DAB2IP: variants seen among roughly 807,000 people sequenced by gnomAD.
DAB2IP encodes DAB2 interacting protein, also known as disabled homolog 2-interacting protein.
In DAB2IP, 28 loss-of-function variants were observed where a neutral mutation model predicts 107.2. The observed-to-expected ratio is 0.26, with a 90% CI of 0.19 to 0.36. DAB2IP has a LOEUF of 0.36. Ranked by LOEUF, DAB2IP falls within the 10% of genes least tolerant of loss-of-function variation. The pLI, the probability that DAB2IP is intolerant of heterozygous loss-of-function variation, is 1.00. For missense variants in DAB2IP, 1,400 were observed against 1,644.7 expected, an observed-to-expected ratio of 0.85 and a Z score of 2.57; for synonymous variants, 755 against 706.4, an observed-to-expected ratio of 1.07 and a Z score of -1.09.
intron 3 of DAB2IP, among the ~76,000 whole-genome samples, chr9:121,715,170 T>A (rs1210973813): frequency 6.6e-6 from 1 of 152,054 alleles, no homozygotes; most frequent in Non-Finnish European, 1.5e-5. Flanking sequence ...TTAAGGACCT[T>A]GCTCCTGCAG....
chr9:121,753,780 TG>T (rs1177693519), intron 3 of DAB2IP, among the ~76,000 whole-genome samples: 13 of 152,112 alleles, frequency 8.5e-5, no homozygotes, highest in Admixed American at 5.9e-4. Flanking sequence ...GGGAGTGGAA[TG>T]GGAGTGAGGT....
chr9:121,707,927 G>A (rs1228234223), intron 3 of DAB2IP, among the ~76,000 whole-genome samples: 1 of 151,942 alleles, frequency 6.6e-6, no homozygotes, highest in Non-Finnish European at 1.5e-5. Context: ...ACCACATTTC[G>A]TCAGGAAACT....
At chr9:121,742,758 C>T (rs999850462) in intron 3 of DAB2IP, 7 of 985,510 alleles carry the variant, frequency 7.1e-6, no homozygotes, top group African/African-American at 1.7e-5. Flanking sequence ...TGACTGCCCG[C>T]TTTTCTCTGC....
rs376116877 is a variant in DAB2IP, at chr9:121,776,730, CAGGG to C, written c.3314+343_3314+346del. On this transcript the variant is annotated intron_variant, in intron 14 of 15. Coordinates refer to ENST00000408936, the Ensembl canonical transcript of DAB2IP. The surrounding 1 kb of genome is among the most constrained non-coding windows in gnomAD (Gnocchi z 5.4). ...CTGGATTGGGGGGTGCCAGGAAAGA[CAGGG>C]AGGACCCCAATACAGGGTAAGAAAA... Among the ~76,000 whole-genome samples the C allele has an allele frequency of 3.3e-4, 50 of 152,266 alleles. No homozygotes were observed. The highest frequency in any genetic ancestry group is 1.1e-3 in the African/African-American group (47 of 41,568).
rs1831960037 is a variant in DAB2IP, at chr9:121,633,278, C to T, written c.41-45400C>T. 6.6e-6 allele frequency among the ~76,000 whole-genome samples: 1 copy of T among 152,114 alleles called. No individual in the cohort carries two copies. The highest frequency in any genetic ancestry group is 1.5e-5 in the Non-Finnish European group (1 of 68,020). On this transcript the variant is annotated intron_variant, in intron 1 of 16. Coordinates refer to the DAB2IP transcript ENST00000259371. This position sits in a 1 kb window ranked among gnomAD's most constrained non-coding sequence, Gnocchi z 5.1. ...AAGCCTTCGAGGCCCAGAGAGAGGA[C>T]ATTCCCGCTTGACCCTCCCCAGGCC...
At position 121,634,823 on chromosome 9, in the gene DAB2IP, G is replaced by A. The variant is rs1009042796; in HGVS notation, c.41-43855G>A. On this transcript the variant is annotated intron_variant, in intron 1 of 16. Transcript: ENST00000259371. The surrounding 1 kb of genome is among the most constrained non-coding windows in gnomAD (Gnocchi z 4.7). Reference sequence around the variant, plus strand: ...CCTGCCCCCACCCCAGCCACCACCTGTGGCTAGGCTGGGAGGAAGCTGCTC... The same window carrying A: ...CCTGCCCCCACCCCAGCCACCACCTATGGCTAGGCTGGGAGGAAGCTGCTC... Among the ~76,000 whole-genome samples, 5 of 152,126 alleles carry A rather than the reference G, an allele frequency of 3.3e-5. No homozygotes were observed. The highest frequency in any genetic ancestry group is 1.2e-4 in the African/African-American group (5 of 41,426).
intron 1 of DAB2IP, among the ~76,000 whole-genome samples, chr9:121,577,955 C>T (rs1418947273): frequency 6.6e-6 from 1 of 152,058 alleles, no homozygotes; most frequent in Non-Finnish European, 1.5e-5. Flanking sequence ...TGCCTCCAGG[C>T]GGGGGTAGAG....
chr9:121,592,106 G>A (rs1391984813), intron 1 of DAB2IP, among the ~76,000 whole-genome samples: 5 of 152,164 alleles, frequency 3.3e-5, no homozygotes, highest in East Asian at 1.9e-4. Flanking sequence ...AGTGGCTCAC[G>A]CCTATAATCC....
chr9:121,641,519 G>C (rs1000150818), intron 1 of DAB2IP, among the ~76,000 whole-genome samples: 1 of 152,202 alleles, frequency 6.6e-6, no homozygotes, highest in East Asian at 1.9e-4. Context: ...CATTTTGTAG[G>C]AGGGGAGGCT....
chr9:121,773,602 C>A (rs1834944169), intron 12 of DAB2IP, 107 bp downstream of exon 12: 2 of 1,284,228 alleles, frequency 1.6e-6, no homozygotes, highest in South Asian at 2.8e-5. Flanking sequence ...CACCCTCACC[C>A]AGCTGCCATC....
chr9:121,728,412 C>T (rs892798451), intron 3 of DAB2IP, among the ~76,000 whole-genome samples: 1 of 152,172 alleles, frequency 6.6e-6, no homozygotes, highest in African/African-American at 2.4e-5. Flanking sequence ...GTTTGAGTCC[C>T]GTTCCACTGC....
chr9:121,577,675 T>A (rs948022431), intron 1 of DAB2IP, among the ~76,000 whole-genome samples: 3 of 152,066 alleles, frequency 2.0e-5, no homozygotes, highest in Admixed American at 6.5e-5. Context: ...ACCCTCTCTC[T>A]CTCCTCCCAT....
chr9:121,739,858 G>A (rs1174787161), intron 3 of DAB2IP, among the ~76,000 whole-genome samples: 1 of 152,186 alleles, frequency 6.6e-6, no homozygotes, highest in African/African-American at 2.4e-5. Context: ...TGCTAAGGAA[G>A]TGTCTCCGAA....
chr9:121,682,627 G>T lies in DAB2IP; in HGVS notation c.228+3846G>T, dbSNP rs1828654888. ...TGCCCCTGCCTCTTGTAGACTGTAT[G>T]ACCCTGGGAGAGCCTCAGTTTCCCC... On this transcript the variant is annotated intron_variant, in intron 2 of 15. Coordinates refer to ENST00000408936, the Ensembl canonical transcript of DAB2IP. Among the ~76,000 whole-genome samples the T allele has an allele frequency of 2.6e-5, 4 of 152,240 alleles. No homozygotes were observed. The South Asian group carries it at 8.3e-4, about 32-fold the overall frequency.
At chr9:121,590,610 T>G (rs1830406063) in intron 1 of DAB2IP, among the ~76,000 whole-genome samples, 1 of 152,158 alleles carries the variant, frequency 6.6e-6, no homozygotes. Flanking sequence ...TCGTAAGAAT[T>G]AAATGAGAGA....
chr9:121,757,677 G>C (rs1235999170), intron 4 of DAB2IP, among the ~76,000 whole-genome samples: 1 of 152,056 alleles, frequency 6.6e-6, no homozygotes, highest in African/African-American at 2.4e-5. Context: ...ATAGGAAATG[G>C]GGGATCTGAG....
chr9:121,588,877 C>A (rs1355021750), intron 1 of DAB2IP, among the ~76,000 whole-genome samples: 1 of 151,760 alleles, frequency 6.6e-6, no homozygotes, highest in Non-Finnish European at 1.5e-5. Context: ...AAGAGCTAAG[C>A]ACTGAGGGAC....
intron 2 of DAB2IP, among the ~76,000 whole-genome samples, chr9:121,692,811 C>G: frequency 6.6e-6 from 1 of 152,118 alleles, no homozygotes; most frequent in Admixed American, 6.5e-5. Context: ...TGGTGCATAC[C>G]CTTGAGGGGA....
chr9:121,772,633 C>T lies in DAB2IP; in HGVS notation c.2105C>T (p.Ser702Phe), dbSNP rs1834847152. 1.9e-6 allele frequency: 3 copies of T among 1,613,882 alleles called. No individual in the cohort carries two copies. The East Asian group carries it at 6.7e-5, about 36-fold the overall frequency. The stretch of plus-strand genomic sequence containing the variant: ...CTGATAGATTTCACCCGGTTACCGT[C>T]TCCAACCCCCGAAAACAAGGACTTG... The change falls in exon 12 of 16, where the codon TCT becomes TTT. Residue 702 changes from serine to phenylalanine, a missense_variant. This residue lies in a region of DAB2IP where 517 missense variants were observed against 748.6 expected (regional missense o/e 0.69). Coordinates refer to ENST00000408936, the Ensembl canonical transcript of DAB2IP. This position sits in a 1 kb window ranked among gnomAD's most constrained non-coding sequence, Gnocchi z 4.7.
Sources: allele counts gnomAD v4.1 joint callset (sites outside exome capture counted in the v4.1 genomes callset), GRCh38; gene constraint gnomAD v4.1.1; regional missense constraint gnomAD v4.1.1; non-coding constraint Gnocchi (gnomAD v3.1); transcripts MANE v1.5; gene names NCBI Gene and HGNC (gene_info 2026-07-23, HGNC 2026-07-21).